The following LHPP variants were observed in gnomAD, a reference collection of about 807,000 sequenced individuals.
LHPP encodes phospholysine phosphohistidine inorganic pyrophosphate phosphatase.
LHPP carries 24 observed loss-of-function variants against 30.3 expected under a neutral mutation model. The observed-to-expected ratio is 0.79, with a 90% confidence interval of 0.57 to 1.11. The LOEUF (loss-of-function observed/expected upper bound fraction) is 1.11, where lower values mean the gene tolerates loss of function less well. Among genes scored for constraint, LHPP ranks in the 50% most tolerant of loss-of-function variants. The pLI is 0.00. For missense variants in LHPP, 356 were observed against 367.2 expected (o/e 0.97, Z 0.25); for synonymous variants, 150 against 157.1 (o/e 0.95, Z 0.34).
chr10:124,530,044 C>T (rs34172728), intron 6 of LHPP, among the ~76,000 whole-genome samples: 17,732 of 152,026 alleles, frequency 0.12, 1,427 homozygotes, highest in Non-Finnish European at 0.16. Flanking sequence ...CCCATGAGGC[C>T]GTCCAAGCCC....
At chr10:124,546,528 G>A (rs960557904) in intron 6 of LHPP, among the ~76,000 whole-genome samples, 2 of 152,090 alleles carry the variant, frequency 1.3e-5, no homozygotes, top group African/African-American at 2.4e-5. Context: ...TCACCCTCCC[G>A]AGTAGCTGGG....
chr10:124,531,764 A>G (rs1372242641), intron 6 of LHPP, among the ~76,000 whole-genome samples: 1 of 152,222 alleles, frequency 6.6e-6, no homozygotes, highest in Non-Finnish European at 1.5e-5. Context: ...AATGGCAACC[A>G]CATAATGTGT....
At chr10:124,468,049 C>T (rs1952611854) in intron 1 of LHPP, among the ~76,000 whole-genome samples, 1 of 152,136 alleles carries the variant, frequency 6.6e-6, no homozygotes, top group South Asian at 2.1e-4. Flanking sequence ...CCAACCCAGA[C>T]CCCTACTTGG....
At position 124,489,771 on chromosome 10, in the gene LHPP, T is replaced by A. The variant is rs567294260; in HGVS notation, c.467+1196T>A. ...CCAACCTCTTGTAATTTTTTTCTTT[T>A]TTTTTTTTTCTGCTTATAAGTTTAT... On this transcript the variant is annotated intron_variant, in intron 3 of 6. Transcript: ENST00000368842. The A allele has an allele frequency of 5.6e-3, 968 of 172,026 alleles. 4 individuals carry two copies. The highest frequency in any genetic ancestry group is 8.4e-3 in the Non-Finnish European group (689 of 82,036). The allele number at this position is 172,026 out of a possible 1,614,324, so 10.7% of individuals were successfully genotyped here.
In LHPP at chr10:124,613,419, C is replaced by A; in HGVS notation, c.*59C>A. ...CTGCCTCTCCTCCACCCCTGCCTCC[C>A]CTCCACCCCTGCCTCTCCTCCACCC... On this transcript the variant is annotated 3_prime_UTR_variant, in exon 7 of 7. Coordinates refer to ENST00000368842, the MANE Select transcript of LHPP (RefSeq NM_022126.4). 1 of 1,221,936 alleles carries A rather than the reference C, an allele frequency of 8.2e-7. No homozygotes were observed. Among genetic ancestry groups the A allele is most frequent in the East Asian group, 2.4e-5 (1 of 42,454 alleles). The allele number at this position is 1,221,936 out of a possible 1,614,324, so 75.7% of individuals were successfully genotyped here.
chr10:124,475,078 A>G (rs887108789), intron 1 of LHPP, among the ~76,000 whole-genome samples: 2 of 120,100 alleles, frequency 1.7e-5, no homozygotes, highest in Non-Finnish European at 3.2e-5. Flanking sequence ...GCTGGAGTGC[A>G]GTGGTGCCAT....
chr10:124,490,468 C>T, intron 3 of LHPP: 2 of 338,592 alleles, frequency 5.9e-6, no homozygotes, highest in South Asian at 2.9e-5. Context: ...GGCACATTCT[C>T]ATCTGCCAGC....
chr10:124,506,672 GGGGGGTAGGGAAGATTTCAGGT>G (rs1954081912), intron 5 of LHPP, among the ~76,000 whole-genome samples: 2 of 125,234 alleles, frequency 1.6e-5, no homozygotes, highest in Non-Finnish European at 3.4e-5. Context: ...ATTTCAGGTT[GGGGGGTAGGGAAGATTTCAGGT>G]TGGCGGGTAG....
At position 124,488,483 on chromosome 10, in the gene LHPP, C is replaced by T. The variant is rs146909161; in HGVS notation, c.375C>T (p.Asp125=). The T allele has an allele frequency of 1.5e-3, 2,458 of 1,613,842 alleles. 34 individuals are homozygous for T. The African/African-American group carries it at 0.027, about 18-fold the overall frequency. ...ACCCAAACTGTGTGGTAATTGCAGA[C>T]GCAGGAGAAAGCTTTTCTTATCAAA... ...TSNPNCVVIA[D]AGESFSYQNM... The change falls in exon 3 of 7, where the codon GAC becomes GAT. Residue 125 remains aspartate (D), a synonymous_variant. Coordinates refer to ENST00000368842, the MANE Select transcript of LHPP (RefSeq NM_022126.4).
intron 6 of LHPP, among the ~76,000 whole-genome samples, chr10:124,588,528 C>G (rs962399542): frequency 6.6e-6 from 1 of 152,158 alleles, no homozygotes; most frequent in African/African-American, 2.4e-5. Context: ...AAGTGATCCG[C>G]CCGCCCAAAG....
chr10:124,471,801 G>A (rs1400955341), intron 1 of LHPP, among the ~76,000 whole-genome samples: 4 of 137,874 alleles, frequency 2.9e-5, no homozygotes, highest in Non-Finnish European at 4.6e-5. Context: ...TGTTTGAATA[G>A]TATATTATTT....
At chr10:124,486,395 C>G (rs1230417378) in intron 2 of LHPP, among the ~76,000 whole-genome samples, 4 of 152,118 alleles carry the variant, frequency 2.6e-5, no homozygotes, top group Non-Finnish European at 5.9e-5. Context: ...CCAGTGCTAC[C>G]CCCAGGCTGA....
At chr10:124,524,128 A>G (rs562421923) in intron 6 of LHPP, among the ~76,000 whole-genome samples, 1 of 152,298 alleles carries the variant, frequency 6.6e-6, no homozygotes, top group South Asian at 2.1e-4. Flanking sequence ...AGAGCTGTGC[A>G]GTCGTCACCA....
intron 1 of LHPP, among the ~76,000 whole-genome samples, chr10:124,479,857 C>T (rs191923265): frequency 6.6e-6 from 1 of 152,346 alleles, no homozygotes; most frequent in African/African-American, 2.4e-5. Flanking sequence ...GTCTCTGTCT[C>T]CTGGGGCCTC....
intron 6 of LHPP, among the ~76,000 whole-genome samples, chr10:124,544,449 G>C (rs1955281307): frequency 6.6e-6 from 1 of 152,204 alleles, no homozygotes; most frequent in South Asian, 2.1e-4. Context: ...GTCCAGGCAG[G>C]CTCCAGTGTC....
At chr10:124,506,495 C>T (rs539708717) in intron 5 of LHPP, among the ~76,000 whole-genome samples, 61 of 151,702 alleles carry the variant, frequency 4.0e-4, no homozygotes, top group Non-Finnish European at 6.8e-4. Flanking sequence ...AGAACGGTTA[C>T]GGAGAACTCT....
chr10:124,587,269 A>C (rs369656896), intron 6 of LHPP, among the ~76,000 whole-genome samples: 200 of 151,472 alleles, frequency 1.3e-3, no homozygotes, highest in African/African-American at 4.7e-3. Flanking sequence ...TCCTGGCCTC[A>C]AGTGATCCGC....
chr10:124,496,122 C>T lies in LHPP; in HGVS notation c.468-839C>T, dbSNP rs564105252. ...TTTAGTGGTTCCAAGAATCAAGCCC[C>T]CTTGTGTATTCTTGGCTTTCAATGA... On this transcript the variant is annotated intron_variant, in intron 3 of 6. Transcript: ENST00000368842. The surrounding 1 kb of genome is among the most constrained non-coding windows in gnomAD (Gnocchi z 4.3). Among the ~76,000 whole-genome samples, 1 of 152,068 alleles carries T rather than the reference C, an allele frequency of 6.6e-6. No individual in the cohort carries two copies. Among genetic ancestry groups the T allele is most frequent in the South Asian group, 2.1e-4 (1 of 4,824 alleles).
intron 6 of LHPP, among the ~76,000 whole-genome samples, chr10:124,572,786 G>C (rs7921520): frequency 0.53 from 79,774 of 151,788 alleles, 21,184 homozygotes; most frequent in South Asian, 0.66. Context: ...GAAATCCAGA[G>C]GTTTGACCAT....
Sources: allele counts gnomAD v4.1 joint callset (sites outside exome capture counted in the v4.1 genomes callset), GRCh38; gene constraint gnomAD v4.1.1; non-coding constraint Gnocchi (gnomAD v3.1); transcripts MANE v1.5; gene names NCBI Gene and HGNC (gene_info 2026-07-23, HGNC 2026-07-21).